MACROD2: variants seen among roughly 807,000 people sequenced by gnomAD.
MACROD2 encodes mono-ADP ribosylhydrolase 2, also known as ADP-ribose glycohydrolase MACROD2.
A neutral mutation model predicts 70.4 loss-of-function variants in MACROD2; 36 were observed. The observed-to-expected ratio is 0.51, with a 90% CI of 0.39 to 0.68. MACROD2 has a LOEUF of 0.68. MACROD2 is among the 30% of genes least tolerant of loss of function. MACROD2 has a pLI of 0.00. For missense variants in MACROD2, 496 were observed against 538.4 expected (o/e 0.92, Z 0.78); for synonymous variants, 172 against 178.8 (o/e 0.96, Z 0.30).
At chr20:16,013,136 C>T (rs1212788613) in intron 15 of MACROD2, among the ~76,000 whole-genome samples, 2 of 151,790 alleles carry the variant, frequency 1.3e-5, no homozygotes, top group African/African-American at 2.4e-5. Context: ...GCCAGGATCA[C>T]GTGACTGCAC....
intron 5 of MACROD2, among the ~76,000 whole-genome samples, chr20:15,088,234 T>C (rs1185600563): frequency 1.3e-5 from 2 of 151,588 alleles, no homozygotes; most frequent in Non-Finnish European, 1.5e-5. Flanking sequence ...TCATATATAA[T>C]GGCAATAACC....
intron 5 of MACROD2, among the ~76,000 whole-genome samples, chr20:15,114,791 C>A: frequency 6.6e-6 from 1 of 151,972 alleles, no homozygotes; most frequent in East Asian, 1.9e-4. Context: ...GCCTTTTTAC[C>A]TGTTTTCTTG....
At chr20:14,613,615 C>A (rs925537708) in intron 4 of MACROD2, among the ~76,000 whole-genome samples, 1 of 151,956 alleles carries the variant, frequency 6.6e-6, no homozygotes. Context: ...TTTTAGCTAC[C>A]CCCAGTGTTT....
At chr20:14,960,227 C>G (rs995582388) in intron 5 of MACROD2, among the ~76,000 whole-genome samples, 2 of 152,144 alleles carry the variant, frequency 1.3e-5, no homozygotes, top group Non-Finnish European at 2.9e-5. Flanking sequence ...TTTCTTCTTC[C>G]CTCCTCAGCC....
chr20:15,037,299 A>G (rs6043070), intron 5 of MACROD2, among the ~76,000 whole-genome samples: 150,176 of 152,294 alleles, frequency 0.99, 74,042 homozygotes, highest in East Asian at 1. Flanking sequence ...TGAGGAGAGT[A>G]GATAATTTTA....
At chr20:15,485,688 C>T (rs2146462941) in intron 7 of MACROD2, among the ~76,000 whole-genome samples, 2 of 152,270 alleles carry the variant, frequency 1.3e-5, no homozygotes, top group South Asian at 4.1e-4. Context: ...CTTCATTCTC[C>T]TGTCATTCGT....
intron 5 of MACROD2, among the ~76,000 whole-genome samples, chr20:14,839,491 A>G (rs2073064865): frequency 1.3e-5 from 2 of 152,114 alleles, no homozygotes; most frequent in South Asian, 4.1e-4. Context: ...ACACACATGC[A>G]AGTTATATGG....
chr20:14,781,423 T>G (rs1002805711), intron 5 of MACROD2, among the ~76,000 whole-genome samples: 2 of 150,124 alleles, frequency 1.3e-5, no homozygotes, highest in Non-Finnish European at 2.9e-5. Flanking sequence ...GCTCTCCTGA[T>G]GTTTACTCTC....
chr20:15,095,642 C>T (rs1019357366), intron 5 of MACROD2, among the ~76,000 whole-genome samples: 3 of 151,992 alleles, frequency 2.0e-5, no homozygotes, highest in Non-Finnish European at 4.4e-5. Context: ...CTCAGCCTCC[C>T]GAGTAGCTGG....
chr20:15,090,840 G>A (rs1321726860), intron 5 of MACROD2, among the ~76,000 whole-genome samples: 3 of 151,900 alleles, frequency 2.0e-5, no homozygotes, highest in Non-Finnish European at 4.4e-5. Context: ...GAGATTCTAG[G>A]GATACTTTCT....
At chr20:14,511,832 G>A (rs1487791583) in intron 4 of MACROD2, among the ~76,000 whole-genome samples, 2 of 152,114 alleles carry the variant, frequency 1.3e-5, no homozygotes, top group East Asian at 3.9e-4. Context: ...TAACAATTAT[G>A]AGGTACAATA....
intron 5 of MACROD2, among the ~76,000 whole-genome samples, chr20:14,804,981 C>T (rs1420560070): frequency 1.3e-5 from 2 of 151,800 alleles, no homozygotes; most frequent in African/African-American, 4.8e-5. Flanking sequence ...AGTTTCTACA[C>T]AGAAAACCAC....
intron 4 of MACROD2, among the ~76,000 whole-genome samples, chr20:14,567,820 C>T (rs1979909635): frequency 6.6e-6 from 1 of 152,022 alleles, no homozygotes; most frequent in Non-Finnish European, 1.5e-5. Context: ...CAAATATAAA[C>T]AAGTTAGAAT....
At chr20:13,997,225 T>C (rs1340114071) in intron 1 of MACROD2, among the ~76,000 whole-genome samples, 2 of 152,202 alleles carry the variant, frequency 1.3e-5, no homozygotes, top group Non-Finnish European at 2.9e-5. Flanking sequence ...ACACTTCTGG[T>C]GTTATAAATC....
intron 6 of MACROD2, among the ~76,000 whole-genome samples, chr20:15,429,559 A>C (rs2046339628): frequency 6.6e-6 from 1 of 152,148 alleles, no homozygotes; most frequent in Non-Finnish European, 1.5e-5. Context: ...AAAGGGAATA[A>C]ACAAACATAG....
chr20:14,005,244 A>G (rs956224087), intron 2 of MACROD2, among the ~76,000 whole-genome samples: 3 of 152,156 alleles, frequency 2.0e-5, no homozygotes, highest in African/African-American at 7.2e-5. Flanking sequence ...TGGAAGAGGA[A>G]AGAATGGGAG....
intron 5 of MACROD2, among the ~76,000 whole-genome samples, chr20:15,099,984 A>G (rs1008896717): frequency 1.1e-4 from 16 of 152,278 alleles, no homozygotes; most frequent in Middle Eastern, 3.4e-3. Context: ...ATGGGAGGAA[A>G]GTAACCCTTG....
intron 5 of MACROD2, among the ~76,000 whole-genome samples, chr20:14,793,180 C>G (rs551684814): frequency 6.6e-5 from 10 of 151,794 alleles, no homozygotes; most frequent in Non-Finnish European, 1.3e-4. Flanking sequence ...CTTCCCTGTA[C>G]TTGTGTGTGT....
chr20:15,454,445 A>ACACACACACACG (rs1555822877), intron 7 of MACROD2, among the ~76,000 whole-genome samples: 8 of 123,886 alleles, frequency 6.5e-5, no homozygotes, highest in African/African-American at 2.2e-4. Flanking sequence ...ACACACACAC[A>ACACACACACACG]CACACACACC....
Sources: allele counts gnomAD v4.1 joint callset (sites outside exome capture counted in the v4.1 genomes callset), GRCh38; gene constraint gnomAD v4.1.1; transcripts MANE v1.5; gene names NCBI Gene and HGNC (gene_info 2026-07-23, HGNC 2026-07-21).